Variants in FHIP2A observed in about 807,000 individuals in gnomAD.
The protein encoded by FHIP2A is FHF complex subunit HOOK interacting protein 2A.
Under a neutral mutation model 93.5 loss-of-function variants are expected in FHIP2A, and 46 were observed. That is an observed-to-expected ratio of 0.49 (90% CI 0.39 to 0.63). The LOEUF is 0.63. FHIP2A is among the 20% of genes least tolerant of loss of function. The pLI, the probability that FHIP2A is intolerant of heterozygous loss-of-function variation, is 0.00. For missense variants in FHIP2A, 769 were observed against 909.7 expected (o/e 0.85, Z 1.99); for synonymous variants, 332 against 326.5 (o/e 1.02, Z -0.18).
At chr10:114,853,752 A>G (rs868775686) in intron 13 of FHIP2A, among the ~76,000 whole-genome samples, 4 of 152,284 alleles carry the variant, frequency 2.6e-5, no homozygotes, top group Middle Eastern at 6.8e-3. Flanking sequence ...TAATCCTAGC[A>G]CTTTGGGAGG....
At chr10:114,836,024 T>C (rs2143010433) in intron 4 of FHIP2A, 100 bp from the exon 5 acceptor site, 2 of 822,056 alleles carry the variant, frequency 2.4e-6, no homozygotes, top group East Asian at 5.0e-5. Flanking sequence ...ATTTGCATTA[T>C]ATGAAAAATT....
At chr10:114,884,732 G>GT (rs968112078) in intron 16 of FHIP2A, among the ~76,000 whole-genome samples, 8 of 151,826 alleles carry the variant, frequency 5.3e-5, no homozygotes, top group African/African-American at 1.9e-4. Context: ...GACCAACATG[G>GT]TAAAACCCAG....
rs973327179 is a variant in FHIP2A at position 114,822,185 on chromosome 10, C to G, written c.45+62C>G. ...GATGGCGGCGGCCTACGCTCCCCGG[C>G]GGCCTCGGGGACAAGCCGGGCGGCC... On this transcript the variant is annotated intron_variant, in intron 1 of 16. Coordinates refer to ENST00000369248, the MANE Select transcript of FHIP2A (RefSeq NM_020940.4). 2.8e-5 allele frequency: 30 copies of G among 1,085,156 alleles called. No homozygotes were observed. The African/African-American group carries it at 4.1e-4, about 15-fold the overall frequency. The allele number at this position is 1,085,156 out of a possible 1,614,324, so 67.2% of individuals were successfully genotyped here.
chr10:114,868,124 A>G (rs1384112169), downstream of FHIP2A, among the ~76,000 whole-genome samples: 3 of 151,892 alleles, frequency 2.0e-5, no homozygotes, highest in African/African-American at 7.3e-5. Context: ...CAGTCTCACT[A>G]TATTGCCCAG....
intron 5 of FHIP2A, 149 bp downstream of exon 5, chr10:114,836,395 T>C (rs1189907958): frequency 1.5e-6 from 1 of 649,268 alleles, no homozygotes; most frequent in African/African-American, 1.8e-5. Flanking sequence ...TTAATATCAC[T>C]ATTTTATTCT....
intron 5 of FHIP2A, among the ~76,000 whole-genome samples, chr10:114,841,853 G>A (rs1411332984): frequency 6.6e-6 from 1 of 152,144 alleles, no homozygotes; most frequent in Non-Finnish European, 1.5e-5. Context: ...TAACCTACTT[G>A]TGTAATCTGA....
Position 114,821,965 on chromosome 10 carries a change from C to A in FHIP2A, c.-114C>A. 1 of 548,272 alleles carries A rather than the reference C, an allele frequency of 1.8e-6. No homozygotes were observed. The highest frequency in any genetic ancestry group is 2.7e-6 in the Non-Finnish European group (1 of 369,190). 34.0% of individuals were successfully genotyped at this position (548,272 alleles called of 1,614,324 possible). On this transcript the variant is annotated 5_prime_UTR_variant, in exon 1 of 17. Coordinates refer to ENST00000369248, the MANE Select transcript of FHIP2A (RefSeq NM_020940.4). ...TCGATCCTCAGCTCGTCCTCCCCGC[C>A]CCGCACCGGCCTTCACTCTGGAGCG... is the stretch of plus-strand genomic sequence containing the variant.
intron 1 of FHIP2A, among the ~76,000 whole-genome samples, chr10:114,825,828 A>G (rs2083572517): frequency 6.6e-6 from 1 of 152,254 alleles, no homozygotes; most frequent in Admixed American, 6.5e-5. Flanking sequence ...TGCCAAGGGC[A>G]TGTTCCTCTT....
At chr10:114,891,226 A>ATATT (rs1207387677) in intron 16 of FHIP2A, among the ~76,000 whole-genome samples, 4 of 144,550 alleles carry the variant, frequency 2.8e-5, no homozygotes, top group Non-Finnish European at 4.6e-5. Context: ...ACAAATATAT[A>ATATT]TATATATATA....
chr10:114,847,187 C>T lies in FHIP2A; in HGVS notation c.1666C>T (p.His556Tyr). ...LSSSPPATPDHPKNDGKTEVH... is the reference protein window; with the variant it reads ...LSSSPPATPDYPKNDGKTEVH... ...TTCTTCACCTCCTGCTACTCCAGAC[C>T]ACCCCAAAAATGATGGAAAAACTGA... Residue 556 changes from histidine to tyrosine, a missense_variant, in exon 12 of 17, where the codon CAC becomes TAC. Physicochemically the swap from His to Tyr is moderately conservative, Grantham distance 83. Transcript: ENST00000369248. 1 of 1,613,270 alleles carries T rather than the reference C, an allele frequency of 6.2e-7. No individual in the cohort carries two copies. The highest frequency in any genetic ancestry group is 8.5e-7 in the Non-Finnish European group (1 of 1,179,612).
chr10:114,847,226 G>T lies in FHIP2A; in HGVS notation c.1705G>T (p.Val569Leu), dbSNP rs764306364. 7 of 1,605,644 alleles carry T rather than the reference G, an allele frequency of 4.4e-6. No individual in the cohort carries two copies. Among genetic ancestry groups the T allele is most frequent in the Non-Finnish European group, 5.9e-6 (7 of 1,177,834 alleles). ...TGGAAAAACTGAAGTTCATAAAATT[G>T]TAAATAGGTGAGTTGCTATATAAAA... ...NDGKTEVHKI[V>L]NSFLCLVPDD... Residue 569 changes from valine (V) to leucine (L), a missense_variant, in exon 12 of 17, where the codon GTA becomes TTA. Physicochemically the swap from Val to Leu is conservative, Grantham distance 32. Transcript: ENST00000369248.
chr10:114,893,585 AG>A (rs2083986375), intron 16 of FHIP2A, among the ~76,000 whole-genome samples: 1 of 152,194 alleles, frequency 6.6e-6, no homozygotes, highest in Non-Finnish European at 1.5e-5. Context: ...CCCAAAATCC[AG>A]TATAAAATCA....
At chr10:114,860,957 T>C in intron 15 of FHIP2A, 68 bp downstream of exon 15, 1 of 1,431,094 alleles carries the variant, frequency 7.0e-7, no homozygotes, top group Non-Finnish European at 9.8e-7. Context: ...TTAATATCAT[T>C]GTATGCAGTT....
chr10:114,856,506 G>A lies in FHIP2A; in HGVS notation c.1947+1166G>A, dbSNP rs557471862. ...TTGTTTTTGAGCCAGTTTGCTAGGCGTAGTTTAAATCAAGCTTGTTGCTTG... is the reference window on the plus strand; with the variant it reads ...TTGTTTTTGAGCCAGTTTGCTAGGCATAGTTTAAATCAAGCTTGTTGCTTG... On this transcript the variant is annotated intron_variant, in intron 14 of 16. Transcript: ENST00000369248. Among the ~76,000 whole-genome samples, 13 of 152,272 alleles carry A rather than the reference G, an allele frequency of 8.5e-5. No homozygotes were observed. In the South Asian group the frequency reaches 2.3e-3, roughly 27 times the overall value.
intron 16 of FHIP2A, among the ~76,000 whole-genome samples, chr10:114,877,055 G>A (rs1331123756): frequency 2.6e-5 from 4 of 152,164 alleles, no homozygotes; most frequent in African/African-American, 9.7e-5. Context: ...CACGTCTGAA[G>A]TTTTGTTCTG....
chr10:114,896,788 C>T (rs2084003559), intron 16 of FHIP2A, among the ~76,000 whole-genome samples: 1 of 152,246 alleles, frequency 6.6e-6, no homozygotes, highest in South Asian at 2.1e-4. Flanking sequence ...TCAGGACTTC[C>T]TGAGGCTGTG....
Position 114,861,265 on chromosome 10 carries a change from T to C in FHIP2A, c.2123T>C (p.Ile708Thr). 6.2e-7 allele frequency: 1 copy of C among 1,614,198 alleles called. No individual in the cohort carries two copies. Residue 708 changes from isoleucine to threonine, a missense_variant, in exon 16 of 17, where the codon ATT becomes ACT. Ile to Thr is a moderately conservative substitution (Grantham distance 89). Transcript: ENST00000369248. ...GACCTTATGCTTCGAATCCAGCGTA[T>C]TCAAGACTTTACTCCCAAGCTTCTG... is the stretch of plus-strand genomic sequence containing the variant. Reference protein sequence around the residue: ...VGDLMLRIQRIQDFTPKLLLV... With the variant: ...VGDLMLRIQRTQDFTPKLLLV...
chr10:114,881,224 G>A (rs1170079766), intron 16 of FHIP2A, among the ~76,000 whole-genome samples: 1 of 152,136 alleles, frequency 6.6e-6, no homozygotes, highest in East Asian at 1.9e-4. Flanking sequence ...CCTGTTTTAT[G>A]CCTTTGATTT....
At position 114,857,026 on chromosome 10, in the gene FHIP2A, G is replaced by A. The variant is rs575022393; in HGVS notation, c.1947+1686G>A. On this transcript the variant is annotated intron_variant, in intron 14 of 16. Transcript: ENST00000369248. ...GGATTGCTTGACCCCAGGAGTTCAA[G>A]GCTGTAGGGCGCTATGATTGTGCCT... is the stretch of plus-strand genomic sequence containing the variant. Among the ~76,000 whole-genome samples the A allele has an allele frequency of 6.6e-4, 101 of 152,250 alleles. 3 individuals are homozygous for A. In the South Asian group the frequency reaches 0.021, roughly 31 times the overall value.
Sources: gnomAD v4.1 joint callset for allele counts (sites outside exome capture counted in the v4.1 genomes callset) on GRCh38, gnomAD v4.1.1 for gene constraint, MANE v1.5 for transcripts, NCBI Gene and HGNC (gene_info 2026-07-23, HGNC 2026-07-21) for gene names.